The following PDCD1LG2 variants were observed in gnomAD, a reference collection of about 807,000 sequenced individuals.
The protein encoded by PDCD1LG2 is B7 dendritic cell molecule.
A neutral mutation model predicts 28.2 loss-of-function variants in PDCD1LG2; 32 were observed. That is an observed-to-expected ratio of 1.13 (90% CI 0.86 to 1.52). The LOEUF is 1.52. PDCD1LG2 is among the 40% of genes most tolerant of loss of function. PDCD1LG2 has a pLI of 0.00. For missense variants in PDCD1LG2, 385 were observed against 323.8 expected (o/e 1.19, Z -1.45); for synonymous variants, 116 against 120.2 (o/e 0.97, Z 0.23).
Position 5,547,729 on chromosome 9 carries a change from G to C in PDCD1LG2, c.362-1606G>C, listed in dbSNP as rs558956997. On this transcript the variant is annotated intron_variant, in intron 3 of 6. Coordinates refer to ENST00000397747, the MANE Select transcript of PDCD1LG2 (RefSeq NM_025239.4). ...AGGCAGGTGGATCACCTGAGGTCAGGAGTTCAAAACCAGGCTGACCAACAT... is the reference window on the plus strand; with the variant it reads ...AGGCAGGTGGATCACCTGAGGTCAGCAGTTCAAAACCAGGCTGACCAACAT... Among the ~76,000 whole-genome samples the C allele has an allele frequency of 1.5e-4, 23 of 152,090 alleles. 1 individual carries two copies. In the South Asian group the frequency reaches 3.9e-3, roughly 26 times the overall value.
In PDCD1LG2 at chr9:5,547,550, GTTTTA is replaced by G. The variant is rs199712708; in HGVS notation, c.362-1779_362-1775del. 4.2e-3 allele frequency among the ~76,000 whole-genome samples: 642 copies of G among 152,254 alleles called. 19 individuals carry two copies. The highest frequency in any genetic ancestry group is 0.04 in the Admixed American group (611 of 15,296). The stretch of plus-strand genomic sequence containing the variant: ...TTTAAAGTTTTTATAAGGTTGTAAT[GTTTTA>G]TTTTAATTTTAAAATTTATTTTTAA... On this transcript the variant is annotated intron_variant, in intron 3 of 6. Coordinates refer to ENST00000397747, the MANE Select transcript of PDCD1LG2 (RefSeq NM_025239.4).
chr9:5,552,983 T>TGTAATCCCA (rs1816367814), intron 4 of PDCD1LG2, among the ~76,000 whole-genome samples: 1 of 152,178 alleles, frequency 6.6e-6, no homozygotes, highest in South Asian at 2.1e-4. Flanking sequence ...GGTTCTTGTC[T>TGTAATCCCA]GTAATCCCAG....
chr9:5,563,170 A>G lies in PDCD1LG2; in HGVS notation c.775A>G (p.Lys259Glu), dbSNP rs762194862. The stretch of plus-strand genomic sequence containing the variant: ...GAATTTTTCCTTTTCAGACACAACA[A>G]AAAGACCTGTCACCACAACAAAGAG... ...QKLYSSKDTT[K>E]RPVTTTKREV... is the part of the protein sequence containing the mutation. The change falls in exon 6 of 7, where the codon AAA becomes GAA. Residue 259 changes from lysine (K) to glutamate (E), a missense_variant. Lys to Glu is a moderately conservative substitution (Grantham distance 56). Coordinates refer to ENST00000397747, the MANE Select transcript of PDCD1LG2 (RefSeq NM_025239.4). 3.7e-5 allele frequency: 59 copies of G among 1,611,940 alleles called. No homozygotes were observed. The highest frequency in any genetic ancestry group is 4.7e-5 in the Non-Finnish European group (55 of 1,178,344).
chr9:5,520,196 C>G (rs1488244646), intron 1 of PDCD1LG2, among the ~76,000 whole-genome samples: 1 of 152,162 alleles, frequency 6.6e-6, no homozygotes, highest in African/African-American at 2.4e-5. Flanking sequence ...AAACTTACTA[C>G]AAAGCTACAG....
intron 4 of PDCD1LG2, among the ~76,000 whole-genome samples, chr9:5,552,510 A>G (rs1418719741): frequency 6.6e-6 from 1 of 152,202 alleles, no homozygotes; most frequent in Non-Finnish European, 1.5e-5. Context: ...GCCCTGGTAC[A>G]GACGTAGAAC....
intron 2 of PDCD1LG2, among the ~76,000 whole-genome samples, chr9:5,525,861 G>A (rs144554147): frequency 0.024 from 3,609 of 151,830 alleles, 118 homozygotes; most frequent in African/African-American, 0.076. Flanking sequence ...AGCCTGGCCC[G>A]CATGGTGAAA....
Position 5,546,664 on chromosome 9 carries a change from C to G in PDCD1LG2, c.362-2671C>G, listed in dbSNP as rs138864578. 2.8e-3 allele frequency among the ~76,000 whole-genome samples: 432 copies of G among 152,294 alleles called. 3 individuals are homozygous for G. Among genetic ancestry groups the G allele is most frequent in the African/African-American group, 9.9e-3 (411 of 41,552 alleles). On this transcript the variant is annotated intron_variant, in intron 3 of 6. Transcript: ENST00000397747. ...CTTATGTTGCACCATCCCTAGACAT[C>G]TGCAATTACACAGAGACACATCCTC... is the stretch of plus-strand genomic sequence containing the variant.
intron 3 of PDCD1LG2, among the ~76,000 whole-genome samples, chr9:5,541,193 A>T (rs1259527752): frequency 6.6e-6 from 1 of 152,212 alleles, no homozygotes. Context: ...CAGCAAAATT[A>T]GCACAGAAGG....
At chr9:5,541,479 C>T (rs1432743903) in intron 3 of PDCD1LG2, among the ~76,000 whole-genome samples, 1 of 152,164 alleles carries the variant, frequency 6.6e-6, no homozygotes, top group Non-Finnish European at 1.5e-5. Context: ...TTGAAAGCTC[C>T]TAGAACTGGT....
chr9:5,563,214 G>A lies in PDCD1LG2; in HGVS notation c.816+3G>A, dbSNP rs2129947261. The A allele has an allele frequency of 6.2e-7, 1 of 1,609,162 alleles. No individual in the cohort carries two copies. Among genetic ancestry groups the A allele is most frequent in the Non-Finnish European group, 8.5e-7 (1 of 1,176,372 alleles). ...CAAAGAGGGAAGTGAACAGTGCTGT[G>A]AGTAAGCATGATTTTTACTTTTCTT... On this transcript the variant is annotated splice_donor_region_variant and intron_variant, in intron 6 of 6. Coordinates refer to ENST00000397747, the MANE Select transcript of PDCD1LG2 (RefSeq NM_025239.4).
chr9:5,536,617 G>A (rs1456126720), intron 3 of PDCD1LG2, among the ~76,000 whole-genome samples: 3 of 152,138 alleles, frequency 2.0e-5, no homozygotes, highest in Non-Finnish European at 2.9e-5. Context: ...GTATTAATGG[G>A]CCAGGCCTTC....
rs1021918300 is a variant in PDCD1LG2, at chr9:5,570,637, A to G, written c.*678A>G. On this transcript the variant is annotated 3_prime_UTR_variant, in exon 7 of 7. Coordinates refer to ENST00000397747, the MANE Select transcript of PDCD1LG2 (RefSeq NM_025239.4). ...TTAACCTGTAATGGCACCATGTTTA[A>G]TGGTGGTTTTTTTTTTGAACTACAT... The G allele has an allele frequency of 8.6e-6, 2 of 232,214 alleles. No individual in the cohort carries two copies. Among genetic ancestry groups the G allele is most frequent in the Non-Finnish European group, 1.7e-5 (2 of 117,472 alleles). The allele number at this position is 232,214 out of a possible 1,614,324, so 14.4% of individuals were successfully genotyped here. A position where few individuals can be genotyped will look rare whatever the true frequency, so the allele number is the denominator to read the frequency against.
At position 5,549,571 on chromosome 9, in the gene PDCD1LG2, A is replaced by C. The variant is rs1304336470; in HGVS notation, c.598A>C (p.Arg200=). 1.2e-6 allele frequency: 2 copies of C among 1,614,224 alleles called. No homozygotes were observed. Among genetic ancestry groups the C allele is most frequent in the Non-Finnish European group, 1.7e-6 (2 of 1,180,038 alleles). The change falls in exon 4 of 7, where the codon AGG becomes CGG. Residue 200 remains arginine, a synonymous_variant. Coordinates refer to ENST00000397747, the MANE Select transcript of PDCD1LG2 (RefSeq NM_025239.4). ...FSCVFWNTHV[R]ELTLASIDLQ... ...CTGTGTGTTCTGGAATACTCACGTG[A>C]GGGAACTTACTTTGGCCAGCATTGA...
chr9:5,528,530 C>G (rs1820422580), intron 2 of PDCD1LG2, among the ~76,000 whole-genome samples: 1 of 151,512 alleles, frequency 6.6e-6, no homozygotes, highest in Admixed American at 6.6e-5. Context: ...GTCTCAAACT[C>G]CTGGACTCAA....
chr9:5,564,523 T>G (rs1259714688), intron 6 of PDCD1LG2, among the ~76,000 whole-genome samples: 1 of 152,210 alleles, frequency 6.6e-6, no homozygotes, highest in Non-Finnish European at 1.5e-5. Context: ...TCTTATTTTC[T>G]TTACCAATAC....
intron 1 of PDCD1LG2, among the ~76,000 whole-genome samples, chr9:5,511,822 G>C (rs1820064535): frequency 6.6e-6 from 1 of 152,168 alleles, no homozygotes; most frequent in Non-Finnish European, 1.5e-5. Flanking sequence ...CTTCTCCCCA[G>C]ATTTCTCCTG....
chr9:5,512,348 C>T (rs990107874), intron 1 of PDCD1LG2, among the ~76,000 whole-genome samples: 3 of 152,186 alleles, frequency 2.0e-5, no homozygotes, highest in African/African-American at 7.2e-5. Context: ...TAGCCCCAGT[C>T]ACCTCTGATG....
chr9:5,542,217 C>A (rs1230876828), intron 3 of PDCD1LG2, among the ~76,000 whole-genome samples: 2 of 152,120 alleles, frequency 1.3e-5, no homozygotes, highest in Non-Finnish European at 2.9e-5. Flanking sequence ...AGACCTGAAA[C>A]CATAACGATT....
intron 3 of PDCD1LG2, among the ~76,000 whole-genome samples, chr9:5,537,654 T>A (rs910146750): frequency 1.3e-5 from 2 of 152,162 alleles, no homozygotes; most frequent in African/African-American, 4.8e-5. Context: ...CCGCATGTTC[T>A]CACTCATAGG....
Sources: gnomAD v4.1 joint callset for allele counts (sites outside exome capture counted in the v4.1 genomes callset) on GRCh38, gnomAD v4.1.1 for gene constraint, MANE v1.5 for transcripts, NCBI Gene and HGNC (gene_info 2026-07-23, HGNC 2026-07-21) for gene names.